Variants in SHANK2 observed in about 807,000 individuals in gnomAD.
The protein encoded by SHANK2 is SH3 and multiple ankyrin repeat domains protein 2.
In SHANK2, 43 loss-of-function variants were observed where a neutral mutation model predicts 133.7. The observed-to-expected ratio is 0.32, with a 90% CI of 0.25 to 0.41. The LOEUF (loss-of-function observed/expected upper bound fraction) is 0.41, where lower values mean the gene tolerates loss of function less well. SHANK2 is among the 10% of genes least tolerant of loss of function. SHANK2 has a pLI of 1.00. For missense variants in SHANK2, 1,994 were observed against 2,235.8 expected (o/e 0.89, Z 2.18); for synonymous variants, 1,017 against 952.8 (o/e 1.07, Z -1.24).
At chr11:70,759,720 C>T (rs371668902) in intron 14 of SHANK2, among the ~76,000 whole-genome samples, 5 of 152,274 alleles carry the variant, frequency 3.3e-5, no homozygotes, top group South Asian at 4.2e-4. Context: ...CTTAAATAAA[C>T]GAGTTCTGGC....
intron 2 of SHANK2, among the ~76,000 whole-genome samples, chr11:71,222,277 C>G (rs1954559936): frequency 6.6e-6 from 1 of 152,194 alleles, no homozygotes; most frequent in Middle Eastern, 3.2e-3. Flanking sequence ...AAATTCACTC[C>G]CAGCCTTCGT....
intron 17 of SHANK2, among the ~76,000 whole-genome samples, chr11:70,558,580 G>A (rs1554980136): frequency 6.6e-6 from 1 of 152,214 alleles, no homozygotes; most frequent in African/African-American, 2.4e-5. Context: ...GTAACACAGA[G>A]GCAAGATCAG....
chr11:70,854,247 T>G (rs1949134267), intron 11 of SHANK2, among the ~76,000 whole-genome samples: 1 of 152,220 alleles, frequency 6.6e-6, no homozygotes, highest in African/African-American at 2.4e-5. Flanking sequence ...AAAAAATTAC[T>G]TGAGATCTCA....
intron 11 of SHANK2, among the ~76,000 whole-genome samples, chr11:70,857,460 A>G (rs1228607625): frequency 6.6e-6 from 1 of 152,178 alleles, no homozygotes; most frequent in Non-Finnish European, 1.5e-5. Flanking sequence ...CACAGGGCTC[A>G]GTCATGTGCC....
Position 70,500,833 on chromosome 11 carries a change from C to T in SHANK2, c.2288-243G>A. The T allele has an allele frequency of 1.4e-6, 1 of 713,214 alleles. No homozygotes were observed. Among genetic ancestry groups the T allele is most frequent in the Admixed American group, 2.0e-5 (1 of 49,656 alleles). The allele number at this position is 713,214 out of a possible 1,614,324, so 44.2% of individuals were successfully genotyped here. On this transcript the variant is annotated intron_variant, in intron 20 of 25. Coordinates refer to ENST00000601538, the MANE Select transcript of SHANK2 (RefSeq NM_012309.5). This position sits in a 1 kb window ranked among gnomAD's most constrained non-coding sequence, Gnocchi z 4.5. Reference sequence around the variant, plus strand: ...CCCTGCTCGTTAACCTACTGCCTGGCAGTGGAAAGGGGCTTTCCTTCTTCC... The same window carrying T: ...CCCTGCTCGTTAACCTACTGCCTGGTAGTGGAAAGGGGCTTTCCTTCTTCC...
intron 15 of SHANK2, among the ~76,000 whole-genome samples, chr11:70,681,921 TATA>T (rs1389891733): frequency 6.6e-6 from 1 of 152,062 alleles, no homozygotes; most frequent in Non-Finnish European, 1.5e-5. Flanking sequence ...CACCGGGCTT[TATA>T]ATAACAGGGT....
chr11:71,236,715 C>T lies in SHANK2; in HGVS notation c.-112-11919G>A, dbSNP rs147742798. Among the ~76,000 whole-genome samples, 1,375 of 152,332 alleles carry T rather than the reference C, an allele frequency of 9.0e-3. 13 individuals are homozygous for T. The highest frequency in any genetic ancestry group is 0.014 in the Non-Finnish European group (942 of 68,032). ...TACTGGAATACAGCTGTGTCCATTC[C>T]CTCATGTATTGCCTTTGACTGCTTT... On this transcript the variant is annotated intron_variant, in intron 1 of 25. Coordinates refer to ENST00000601538, the MANE Select transcript of SHANK2 (RefSeq NM_012309.5).
chr11:70,503,057 A>G (rs1272759210), intron 17 of SHANK2, 126 bp from the exon 18 acceptor site: 1 of 1,035,666 alleles, frequency 9.7e-7, no homozygotes, highest in Non-Finnish European at 1.5e-6. Flanking sequence ...AAAGGGAGTG[A>G]GACCGTCATC....
intron 21 of SHANK2, among the ~76,000 whole-genome samples, chr11:70,495,148 C>T (rs1315656264): frequency 6.6e-6 from 1 of 152,242 alleles, no homozygotes; most frequent in Non-Finnish European, 1.5e-5. Flanking sequence ...ATCCCAGCTC[C>T]TCCGGCTGCA....
At chr11:70,811,791 TCATCATC>T (rs1439219822) in intron 12 of SHANK2, among the ~76,000 whole-genome samples, 3 of 150,090 alleles carry the variant, frequency 2.0e-5, no homozygotes, top group African/African-American at 7.4e-5. Flanking sequence ...CATCATGTAT[TCATCATC>T]CATCATCCAT....
intron 15 of SHANK2, among the ~76,000 whole-genome samples, chr11:70,665,164 G>A (rs781906465): frequency 4.6e-5 from 7 of 152,086 alleles, no homozygotes; most frequent in East Asian, 1.9e-4. Flanking sequence ...AATTAGAGAC[G>A]GGGTTTTGCT....
At chr11:70,759,195 C>CA (rs574219681) in intron 14 of SHANK2, among the ~76,000 whole-genome samples, 1 of 150,254 alleles carries the variant, frequency 6.7e-6, no homozygotes, top group African/African-American at 2.5e-5. Flanking sequence ...CAAAACAAAA[C>CA]AAAAAAACTG....
chr11:70,564,841 A>G (rs188677031), intron 17 of SHANK2, among the ~76,000 whole-genome samples: 2 of 152,224 alleles, frequency 1.3e-5, no homozygotes, highest in Non-Finnish European at 2.9e-5. Flanking sequence ...TTGGGTTAAA[A>G]TGTAAAGAAC....
At chr11:70,896,591 G>A in intron 10 of SHANK2, 24 bp from the exon 11 acceptor site, 1 of 718,492 alleles carries the variant, frequency 1.4e-6, no homozygotes, top group Non-Finnish European at 2.6e-6. Flanking sequence ...ATCACATTAA[G>A]TTAAGTGTCA....
In SHANK2 at chr11:70,899,378, T is replaced by C. The variant is rs145407187; in HGVS notation, c.1108-2811A>G. The stretch of plus-strand genomic sequence containing the variant: ...GTGCCTTATGTCATGACTGTAAGAT[T>C]CCTGAGGGCTCCCCAGCCATGCGGA... On this transcript the variant is annotated intron_variant, in intron 10 of 25. Coordinates refer to ENST00000601538, the MANE Select transcript of SHANK2 (RefSeq NM_012309.5). Among the ~76,000 whole-genome samples the C allele has an allele frequency of 2.6e-5, 4 of 152,308 alleles. No homozygotes were observed. In the East Asian group the frequency reaches 7.7e-4, roughly 29 times the overall value.
intron 17 of SHANK2, among the ~76,000 whole-genome samples, chr11:70,596,002 C>T (rs1554989448): frequency 6.6e-6 from 1 of 152,188 alleles, no homozygotes; most frequent in African/African-American, 2.4e-5. Flanking sequence ...CGGTGACCAC[C>T]TCCACGCCAA....
intron 10 of SHANK2, among the ~76,000 whole-genome samples, chr11:70,926,011 C>T (rs1471264563): frequency 6.6e-6 from 1 of 151,954 alleles, no homozygotes; most frequent in African/African-American, 2.4e-5. Context: ...TGGTGGCTCC[C>T]ATCTGTAATC....
intron 17 of SHANK2, among the ~76,000 whole-genome samples, chr11:70,541,931 C>T (rs1437826463): frequency 7.9e-5 from 12 of 152,316 alleles, no homozygotes; most frequent in African/African-American, 2.6e-4. Flanking sequence ...AGGACCCATG[C>T]AAACCAGAGA....
intron 17 of SHANK2, among the ~76,000 whole-genome samples, chr11:70,536,583 A>AT (rs1554974225): frequency 6.6e-6 from 1 of 152,106 alleles, no homozygotes; most frequent in East Asian, 1.9e-4. Flanking sequence ...CAGGGACCCG[A>AT]TTCCCACACT....
Sources: gnomAD v4.1 joint callset for allele counts (sites outside exome capture counted in the v4.1 genomes callset) on GRCh38, gnomAD v4.1.1 for gene constraint, Gnocchi (gnomAD v3.1) non-coding constraint, MANE v1.5 for transcripts, NCBI Gene and HGNC (gene_info 2026-07-23, HGNC 2026-07-21) for gene names.